Variants in ST6GALNAC3 observed in about 807,000 individuals in gnomAD.
ST6GALNAC3 encodes ST6 N-acetylgalactosaminide alpha-2,6-sialyltransferase 3.
ST6GALNAC3 carries 25 observed loss-of-function variants against 32.7 expected under a neutral mutation model. The observed-to-expected ratio is 0.76, with a 90% CI of 0.56 to 1.07. The LOEUF (loss-of-function observed/expected upper bound fraction) is 1.07, where lower values mean the gene tolerates loss of function less well. Among genes scored for constraint, ST6GALNAC3 ranks in the 50% least tolerant of loss-of-function variants. The pLI is 0.00. For synonymous variants in ST6GALNAC3, 129 were observed against 133.1 expected (o/e 0.97, Z 0.21); for missense variants, 355 against 382.4 (o/e 0.93, Z 0.60).
At chr1:76,565,674 G>A (rs1665511660) in intron 3 of ST6GALNAC3, among the ~76,000 whole-genome samples, 1 of 152,162 alleles carries the variant, frequency 6.6e-6, no homozygotes, top group Non-Finnish European at 1.5e-5. Context: ...GGTTTTAGAT[G>A]ATTCGTTTCA....
intron 3 of ST6GALNAC3, among the ~76,000 whole-genome samples, chr1:76,607,389 A>T (rs1647630951): frequency 6.6e-6 from 1 of 152,124 alleles, no homozygotes; most frequent in African/African-American, 2.4e-5. Flanking sequence ...CTTCTCTCCT[A>T]TCCCCTTACA....
chr1:76,565,062 A>G (rs546341915), intron 3 of ST6GALNAC3, among the ~76,000 whole-genome samples: 1 of 152,186 alleles, frequency 6.6e-6, no homozygotes, highest in African/African-American at 2.4e-5. Flanking sequence ...ATTGCTGAGT[A>G]CAAGGGTGGG....
intron 3 of ST6GALNAC3, among the ~76,000 whole-genome samples, chr1:76,501,470 T>C (rs954957581): frequency 5.3e-5 from 8 of 152,160 alleles, no homozygotes; most frequent in African/African-American, 1.9e-4. Flanking sequence ...TTTCGTCTTC[T>C]CTTTTTATTC....
chr1:76,528,369 T>A (rs1240961403), intron 3 of ST6GALNAC3, among the ~76,000 whole-genome samples: 2 of 152,124 alleles, frequency 1.3e-5, no homozygotes, highest in African/African-American at 4.8e-5. Flanking sequence ...AGTTAGTAAT[T>A]CACTGCATCA....
intron 2 of ST6GALNAC3, among the ~76,000 whole-genome samples, chr1:76,316,539 A>C (rs1178560938): frequency 6.6e-6 from 1 of 152,076 alleles, no homozygotes; most frequent in Non-Finnish European, 1.5e-5. Context: ...GAAGAGACTA[A>C]ACTAAATAAT....
chr1:76,373,574 G>C (rs1650997714), intron 2 of ST6GALNAC3, among the ~76,000 whole-genome samples: 1 of 152,162 alleles, frequency 6.6e-6, no homozygotes, highest in Non-Finnish European at 1.5e-5. Context: ...TGAGCACTGA[G>C]CTGTGGAGGC....
chr1:76,115,878 C>T (rs1252431412), intron 1 of ST6GALNAC3, among the ~76,000 whole-genome samples: 2 of 152,078 alleles, frequency 1.3e-5, no homozygotes, highest in Non-Finnish European at 2.9e-5. Flanking sequence ...TGGCCTTGTT[C>T]ACTTGTTTAT....
At position 76,236,342 on chromosome 1, in the gene ST6GALNAC3, G is replaced by A. The variant is rs184388132; in HGVS notation, c.19-77463G>A. The stretch of plus-strand genomic sequence containing the variant: ...ATTGGGGTTTAGGATTTCAACATAC[G>A]AGTTTTGGAAGAATACAATTCAACC... On this transcript the variant is annotated intron_variant, in intron 1 of 4. Coordinates refer to ENST00000328299, the MANE Select transcript of ST6GALNAC3 (RefSeq NM_152996.4). Among the ~76,000 whole-genome samples, 38 of 152,226 alleles carry A rather than the reference G, an allele frequency of 2.5e-4. No homozygotes were observed. In the East Asian group the frequency reaches 4.8e-3, roughly 19 times the overall value.
chr1:76,502,101 C>G (rs1661210990), intron 3 of ST6GALNAC3, among the ~76,000 whole-genome samples: 1 of 152,180 alleles, frequency 6.6e-6, no homozygotes, highest in Non-Finnish European at 1.5e-5. Flanking sequence ...TTCTCAGAGC[C>G]CCACAGCAGC....
At chr1:76,313,231 T>C (rs922106332) in intron 1 of ST6GALNAC3, among the ~76,000 whole-genome samples, 1 of 152,150 alleles carries the variant, frequency 6.6e-6, no homozygotes, top group African/African-American at 2.4e-5. Flanking sequence ...TTCACTCAAA[T>C]GTTCTTTGAA....
chr1:76,145,224 T>A (rs1489432226), intron 1 of ST6GALNAC3, among the ~76,000 whole-genome samples: 4 of 152,202 alleles, frequency 2.6e-5, no homozygotes, highest in Admixed American at 2.0e-4. Flanking sequence ...TTTCAAGTCT[T>A]TCTAGACCAA....
At chr1:76,235,424 C>T (rs528083677) in intron 1 of ST6GALNAC3, among the ~76,000 whole-genome samples, 18 of 152,148 alleles carry the variant, frequency 1.2e-4, no homozygotes, top group African/African-American at 3.9e-4. Context: ...GGAGGATCAC[C>T]TGAGCCTGAG....
intron 3 of ST6GALNAC3, among the ~76,000 whole-genome samples, chr1:76,470,695 G>A (rs1439246810): frequency 1.3e-5 from 2 of 152,104 alleles, no homozygotes; most frequent in African/African-American, 4.8e-5. Flanking sequence ...AAAAACTCAA[G>A]GCTTGATCTC....
chr1:76,588,525 T>C (rs954330947), intron 3 of ST6GALNAC3, among the ~76,000 whole-genome samples: 4 of 152,208 alleles, frequency 2.6e-5, no homozygotes, highest in Non-Finnish European at 4.4e-5. Context: ...TGTAAATCAG[T>C]GCGTGTGCTA....
chr1:76,604,778 T>G (rs1204064545), intron 3 of ST6GALNAC3, among the ~76,000 whole-genome samples: 2 of 152,222 alleles, frequency 1.3e-5, no homozygotes, highest in African/African-American at 4.8e-5. Flanking sequence ...TTCTCCATTT[T>G]CATCATGGTG....
intron 3 of ST6GALNAC3, among the ~76,000 whole-genome samples, chr1:76,531,891 C>T (rs113322058): frequency 1.3e-5 from 2 of 152,148 alleles, no homozygotes; most frequent in African/African-American, 4.8e-5. Context: ...CTAGGTGTGT[C>T]AGAGACATCC....
chr1:76,503,760 A>G (rs766381923), intron 3 of ST6GALNAC3, among the ~76,000 whole-genome samples: 9 of 152,196 alleles, frequency 5.9e-5, no homozygotes, highest in Non-Finnish European at 1.3e-4. Context: ...GGTCCTAATC[A>G]GGACTGAATA....
Position 76,186,151 on chromosome 1 carries a change from A to T in ST6GALNAC3, c.18+111267A>T, listed in dbSNP as rs1401383225. ...TCAGCTCTTCACCCACACACATTAC[A>T]CTCTTCCACCCACTGCCCCATGTCA... On this transcript the variant is annotated intron_variant, in intron 1 of 4. Coordinates refer to ENST00000328299, the MANE Select transcript of ST6GALNAC3 (RefSeq NM_152996.4). 2.6e-5 allele frequency among the ~76,000 whole-genome samples: 4 copies of T among 151,680 alleles called. No individual in the cohort carries two copies. The East Asian group carries it at 7.8e-4, about 30-fold the overall frequency.
chr1:76,341,621 CTTT>C (rs1647995135), intron 2 of ST6GALNAC3, among the ~76,000 whole-genome samples: 1 of 119,712 alleles, frequency 8.4e-6, no homozygotes, highest in African/African-American at 3.5e-5. Context: ...TTCTTTCTTT[CTTT>C]CTTTCTTTCT....
Sources: allele counts gnomAD v4.1 joint callset (sites outside exome capture counted in the v4.1 genomes callset), GRCh38; gene constraint gnomAD v4.1.1; transcripts MANE v1.5; gene names NCBI Gene and HGNC (gene_info 2026-07-23, HGNC 2026-07-21).